The following CFAP54 variants were observed in gnomAD, a reference collection of about 807,000 sequenced individuals.
CFAP54 encodes the protein cilia- and flagella-associated protein 54.
Under a neutral mutation model 370.4 loss-of-function variants are expected in CFAP54, and 290 were observed. That is an observed-to-expected ratio of 0.78 (90% confidence interval 0.71 to 0.86). The LOEUF (loss-of-function observed/expected upper bound fraction) is 0.86, where lower values mean the gene tolerates loss of function less well. Ranked by LOEUF, CFAP54 falls within the 40% of genes least tolerant of loss-of-function variation. CFAP54 has a pLI of 0.00. For missense variants in CFAP54, 3,399 were observed against 3,528.7 expected (o/e 0.96, Z 0.93); for synonymous variants, 1,206 against 1,236.5 (o/e 0.98, Z 0.52).
intron 33 of CFAP54, chr12:96,646,018 A>G (rs1956785967): frequency 6.6e-6 from 1 of 152,194 alleles, no homozygotes; most frequent in African/African-American, 2.4e-5. Flanking sequence ...CCTAGGCAAT[A>G]CCATTCAGGA....
intron 60 of CFAP54, among the ~76,000 whole-genome samples, chr12:96,773,449 A>T (rs1360725883): frequency 6.6e-6 from 1 of 152,218 alleles, no homozygotes. Flanking sequence ...ATCCAGGACA[A>T]TAGTTGCAAG....
chr12:96,706,788 ATGTG>A (rs140060456), intron 47 of CFAP54, among the ~76,000 whole-genome samples: 18 of 138,878 alleles, frequency 1.3e-4, no homozygotes, highest in Middle Eastern at 3.5e-3. Flanking sequence ...TTGTGTGTGT[ATGTG>A]TGTGTGTGTG....
chr12:96,773,474 G>A (rs777560784), intron 60 of CFAP54, among the ~76,000 whole-genome samples: 6 of 152,190 alleles, frequency 3.9e-5, no homozygotes, highest in Non-Finnish European at 8.8e-5. Flanking sequence ...TTTGGGAAGT[G>A]TCATTTTTAT....
chr12:96,794,303 A>G (rs1464822540), intron 63 of CFAP54, among the ~76,000 whole-genome samples: 1 of 152,042 alleles, frequency 6.6e-6, no homozygotes, highest in East Asian at 1.9e-4. Context: ...GGCCAGCGAC[A>G]TTTTCCTTGA....
At chr12:96,824,281 G>C (rs1485813636) in intron 65 of CFAP54, among the ~76,000 whole-genome samples, 1 of 152,094 alleles carries the variant, frequency 6.6e-6, no homozygotes, top group Non-Finnish European at 1.5e-5. Context: ...ATGTGTATGC[G>C]GTTTACCTCA....
At chr12:96,631,045 A>G (rs991116399) in intron 32 of CFAP54, among the ~76,000 whole-genome samples, 2 of 151,872 alleles carry the variant, frequency 1.3e-5, no homozygotes, top group Non-Finnish European at 2.9e-5. Context: ...CATGTGTAAG[A>G]ATTTTTTATT....
chr12:96,868,197 C>G (rs1960055943), intron 67 of CFAP54, among the ~76,000 whole-genome samples: 1 of 152,038 alleles, frequency 6.6e-6, no homozygotes, highest in Non-Finnish European at 1.5e-5. Context: ...TTTGCACGTG[C>G]TTGTTTACAT....
In CFAP54 at chr12:96,768,904, T is replaced by C. The variant is rs117547815; in HGVS notation, c.8281+3686T>C. Reference sequence around the variant, plus strand: ...GAAGCAAATTTTATCAACAGAGCAATTGATGACAGGAGCATTATGACAGAA... The same window carrying C: ...GAAGCAAATTTTATCAACAGAGCAACTGATGACAGGAGCATTATGACAGAA... On this transcript the variant is annotated intron_variant, in intron 60 of 67. Transcript: ENST00000524981. 2.9e-3 allele frequency among the ~76,000 whole-genome samples: 440 copies of C among 152,206 alleles called. 2 individuals carry two copies. Among genetic ancestry groups the C allele is most frequent in the Non-Finnish European group, 5.0e-3 (341 of 68,014 alleles).
chr12:96,608,833 C>A (rs1021881203), intron 26 of CFAP54, among the ~76,000 whole-genome samples: 1 of 151,754 alleles, frequency 6.6e-6, no homozygotes, highest in African/African-American at 2.4e-5. Context: ...AAAACAGGAA[C>A]AGGAAAAACT....
Position 96,653,667 on chromosome 12 carries a change from A to G in CFAP54, c.5100+1852A>G, listed in dbSNP as rs538943384. On this transcript the variant is annotated intron_variant, in intron 36 of 67. Coordinates refer to ENST00000524981, the MANE Select transcript of CFAP54 (RefSeq NM_001306084.2). ...ATGCTTAATAGGAAAGAAAAAACAT[A>G]TAATATCAATTATCTAAATGTTTAT... Among the ~76,000 whole-genome samples the G allele has an allele frequency of 2.0e-5, 3 of 151,448 alleles. No homozygotes were observed. The South Asian group carries it at 6.2e-4, about 31-fold the overall frequency.
At chr12:96,848,524 C>A (rs1296787464) in intron 66 of CFAP54, among the ~76,000 whole-genome samples, 1 of 152,046 alleles carries the variant, frequency 6.6e-6, no homozygotes, top group Non-Finnish European at 1.5e-5. Context: ...TGGTGAAACC[C>A]CATCTCTACT....
intron 55 of CFAP54, among the ~76,000 whole-genome samples, chr12:96,745,723 A>C (rs958770665): frequency 6.6e-6 from 1 of 152,156 alleles, no homozygotes. Flanking sequence ...AAAAGTGTTA[A>C]TGAAGGTGAT....
In CFAP54 at chr12:96,765,152, G is replaced by T. The variant is rs537408379; in HGVS notation, c.8215G>T (p.Ala2739Ser). The change falls in exon 60 of 68, where the codon GCA becomes TCA. Residue 2739 changes from alanine (A) to serine (S), a missense_variant. Ala to Ser is a moderately conservative substitution (Grantham distance 99). This residue lies in a region of CFAP54 where 2,796 missense variants were observed against 2,869.7 expected (regional missense o/e 0.97). Coordinates refer to ENST00000524981, the MANE Select transcript of CFAP54 (RefSeq NM_001306084.2). Reference sequence around the variant, plus strand: ...TAGAATGCATAAAGTTAACCAAGTGGCATTACCAAATATCCCAGAATTTGC... The same window carrying T: ...TAGAATGCATAAAGTTAACCAAGTGTCATTACCAAATATCCCAGAATTTGC... Reference protein sequence around the residue: ...NTRMHKVNQVALPNIPEFAAL... With the variant: ...NTRMHKVNQVSLPNIPEFAAL... 5.8e-6 allele frequency: 9 copies of T among 1,541,666 alleles called. No homozygotes were observed. In the Admixed American group the frequency reaches 6.8e-5, roughly 12 times the overall value.
At chr12:96,566,158 C>T (rs764205206) in intron 19 of CFAP54, among the ~76,000 whole-genome samples, 9 of 152,160 alleles carry the variant, frequency 5.9e-5, no homozygotes, top group Non-Finnish European at 8.8e-5. Flanking sequence ...TACCCAGTCT[C>T]GGGTATGTCT....
At position 96,648,031 on chromosome 12, in the gene CFAP54, G is replaced by C; in HGVS notation, c.4690+14G>C. The C allele has an allele frequency of 6.7e-7, 1 of 1,482,740 alleles. No individual in the cohort carries two copies. The highest frequency in any genetic ancestry group is 8.9e-7 in the Non-Finnish European group (1 of 1,125,134). The allele number at this position is 1,482,740 out of a possible 1,614,324, so 91.8% of individuals were successfully genotyped here. A position where few individuals can be genotyped will look rare whatever the true frequency, so the allele number is the denominator to read the frequency against. On this transcript the variant is annotated intron_variant, in intron 34 of 67. Coordinates refer to ENST00000524981, the MANE Select transcript of CFAP54 (RefSeq NM_001306084.2). ...ACTTACCATCAGGTAAAATAAACAT[G>C]TTAGTTTATTATTAAATTACCTCTA...
At chr12:96,762,463 T>C (rs2136668217) in intron 58 of CFAP54, among the ~76,000 whole-genome samples, 1 of 152,350 alleles carries the variant, frequency 6.6e-6, no homozygotes, top group Admixed American at 6.5e-5. Flanking sequence ...CTGTGCAATG[T>C]CGAACATCTC....
At chr12:96,590,607 T>C (rs1290635594) in intron 23 of CFAP54, among the ~76,000 whole-genome samples, 1 of 152,220 alleles carries the variant, frequency 6.6e-6, no homozygotes, top group Non-Finnish European at 1.5e-5. Flanking sequence ...TGTACAAGGA[T>C]GCTATGTGCT....
At chr12:96,856,436 C>T (rs1194184438) in intron 66 of CFAP54, among the ~76,000 whole-genome samples, 1 of 152,142 alleles carries the variant, frequency 6.6e-6, no homozygotes, top group Non-Finnish European at 1.5e-5. Flanking sequence ...GAACACTTTG[C>T]TGCTTAGAAA....
At chr12:96,737,993 C>T (rs958939944) in intron 50 of CFAP54, among the ~76,000 whole-genome samples, 1 of 152,076 alleles carries the variant, frequency 6.6e-6, no homozygotes, top group Non-Finnish European at 1.5e-5. Flanking sequence ...ATCTGATTTA[C>T]AGCTTGAAGA....
Sources: gnomAD v4.1 joint callset for allele counts (sites outside exome capture counted in the v4.1 genomes callset) on GRCh38, gnomAD v4.1.1 for gene constraint, gnomAD v4.1.1 regional missense constraint, MANE v1.5 for transcripts, NCBI Gene and HGNC (gene_info 2026-07-23, HGNC 2026-07-21) for gene names.